The following TENM3 variants were observed in gnomAD, a reference collection of about 807,000 sequenced individuals.
TENM3 encodes the protein teneurin transmembrane protein 3, also known as teneurin-3.
A neutral mutation model predicts 255.1 loss-of-function variants in TENM3; 63 were observed. The observed-to-expected ratio is 0.25, with a 90% CI of 0.20 to 0.30. The LOEUF (loss-of-function observed/expected upper bound fraction) is 0.30, where lower values mean the gene tolerates loss of function less well. Among genes scored for constraint, TENM3 ranks in the 10% least tolerant of loss-of-function variants. The pLI is 1.00. For synonymous variants in TENM3, 1,306 were observed against 1,322.3 expected (o/e 0.99, Z 0.27); for missense variants, 2,929 against 3,461.1 (o/e 0.85, Z 3.86).
At chr4:182,734,879 C>T (rs1209315876) in intron 16 of TENM3, among the ~76,000 whole-genome samples, 1 of 152,124 alleles carries the variant, frequency 6.6e-6, no homozygotes, top group Non-Finnish European at 1.5e-5. Flanking sequence ...ACAGGAAATA[C>T]ATATAATATT....
At chr4:181,899,628 C>T in the TENM3 span, among the ~76,000 whole-genome samples, 2 of 151,804 alleles carry the variant, frequency 1.3e-5, no homozygotes, top group African/African-American at 2.4e-5. Flanking sequence ...AGTGCAGTGG[C>T]GCGATCTCAG....
the TENM3 span, among the ~76,000 whole-genome samples, chr4:181,933,702 T>C: frequency 2.0e-5 from 3 of 152,180 alleles, no homozygotes; most frequent in Non-Finnish European, 4.4e-5. Flanking sequence ...TGGTGCTCAT[T>C]GTAACCAGAT....
At chr4:181,692,139 G>A in the TENM3 span, among the ~76,000 whole-genome samples, 1 of 152,156 alleles carries the variant, frequency 6.6e-6, no homozygotes, top group Non-Finnish European at 1.5e-5. Context: ...ACTATGGTTT[G>A]CAAGTTCCCT....
At chr4:181,805,597 T>TTGTGTGTGTGTGTG in the TENM3 span, among the ~76,000 whole-genome samples, 1 of 150,440 alleles carries the variant, frequency 6.6e-6, no homozygotes, top group African/African-American at 2.4e-5. Context: ...GTGTGCACTT[T>TTGTGTGTGTGTGTG]TGTGTGTGTG....
At chr4:182,549,335 C>T (rs1268266116) in intron 3 of TENM3, among the ~76,000 whole-genome samples, 1 of 152,134 alleles carries the variant, frequency 6.6e-6, no homozygotes, top group African/African-American at 2.4e-5. Flanking sequence ...ATTTTCTTTT[C>T]GTTCCTTTCC....
At chr4:182,620,241 C>T (rs961885314) in intron 4 of TENM3, among the ~76,000 whole-genome samples, 5 of 152,110 alleles carry the variant, frequency 3.3e-5, no homozygotes, top group African/African-American at 4.8e-5. Context: ...TCCATATAGC[C>T]GAATTTCAGT....
chr4:181,452,013 T>C, the TENM3 span, among the ~76,000 whole-genome samples: 1 of 152,068 alleles, frequency 6.6e-6, no homozygotes, highest in African/African-American at 2.4e-5. Context: ...GAGGAAAACC[T>C]GGAGAGTCGG....
chr4:182,388,246 T>C (rs2150964450), intron 3 of TENM3, among the ~76,000 whole-genome samples: 1 of 152,286 alleles, frequency 6.6e-6, no homozygotes, highest in East Asian at 1.9e-4. Context: ...CCTGGTCTCC[T>C]TGACGTAGCA....
the TENM3 span, among the ~76,000 whole-genome samples, chr4:181,615,838 C>T: frequency 1.3e-5 from 2 of 152,140 alleles, no homozygotes. Context: ...AGATATTTTA[C>T]CATCTATTAG....
the TENM3 span, among the ~76,000 whole-genome samples, chr4:181,559,174 C>T: frequency 6.6e-6 from 1 of 151,936 alleles, no homozygotes; most frequent in African/African-American, 2.4e-5. Flanking sequence ...AATAATTATC[C>T]ACTAATGACG....
At position 182,172,131 on chromosome 4, in the gene TENM3, G is replaced by C. The variant is rs777906162; in HGVS notation, c.-76+27377G>C. On this transcript the variant is annotated intron_variant, in intron 1 of 2. Transcript: ENST00000512480. Reference sequence around the variant, plus strand: ...ATATTTAGCTCTCTGTGAAATGTCTGTCGTGTTGTACATGGGTTTTCCATA... The same window carrying C: ...ATATTTAGCTCTCTGTGAAATGTCTCTCGTGTTGTACATGGGTTTTCCATA... 3.8e-4 allele frequency among the ~76,000 whole-genome samples: 57 copies of C among 151,990 alleles called. 1 individual carries two copies. Among genetic ancestry groups the C allele is most frequent in the Non-Finnish European group, 1.5e-4 (10 of 67,980 alleles).
intron 2 of TENM3, among the ~76,000 whole-genome samples, chr4:182,344,439 T>C (rs773653406): frequency 2.0e-5 from 3 of 152,096 alleles, no homozygotes; most frequent in Non-Finnish European, 4.4e-5. Context: ...GATACGTATA[T>C]CAATTCATAG....
chr4:182,098,237 A>T, the TENM3 span, among the ~76,000 whole-genome samples: 2 of 152,212 alleles, frequency 1.3e-5, no homozygotes, highest in African/African-American at 4.8e-5. Context: ...TATTGGTGGG[A>T]ATGTAAATTA....
chr4:181,966,538 T>C, the TENM3 span, among the ~76,000 whole-genome samples: 1 of 152,168 alleles, frequency 6.6e-6, no homozygotes, highest in Non-Finnish European at 1.5e-5. Context: ...GTCTTCTGTC[T>C]TCCCCAAATA....
the TENM3 span, among the ~76,000 whole-genome samples, chr4:181,972,313 G>A: frequency 8.6e-5 from 13 of 151,564 alleles, 1 homozygote; most frequent in East Asian, 7.8e-4. Flanking sequence ...CAGCTACTTG[G>A]GATGCTCAGG....
At chr4:182,272,419 TAAA>T (rs1340846240) in intron 1 of TENM3, among the ~76,000 whole-genome samples, 1 of 152,038 alleles carries the variant, frequency 6.6e-6, no homozygotes, top group Non-Finnish European at 1.5e-5. Context: ...ATTCACCAGA[TAAA>T]GAAACAAATG....
At chr4:182,325,751 A>G (rs1763356840) in intron 2 of TENM3, among the ~76,000 whole-genome samples, 1 of 152,120 alleles carries the variant, frequency 6.6e-6, no homozygotes, top group African/African-American at 2.4e-5. Flanking sequence ...CGAAAAAAAA[A>G]TAAAAAAATT....
At chr4:181,728,105 A>C in the TENM3 span, among the ~76,000 whole-genome samples, 1 of 152,154 alleles carries the variant, frequency 6.6e-6, no homozygotes. Context: ...GCCTTTTAAA[A>C]CTTTTATCAA....
the TENM3 span, among the ~76,000 whole-genome samples, chr4:181,641,802 CA>C: frequency 1.4e-5 from 1 of 73,440 alleles, no homozygotes; most frequent in Non-Finnish European, 2.4e-5. Flanking sequence ...TATACACACA[CA>C]CCATATATAT....
Sources: gnomAD v4.1 joint callset for allele counts (sites outside exome capture counted in the v4.1 genomes callset) on GRCh38, gnomAD v4.1.1 for gene constraint, MANE v1.5 for transcripts, NCBI Gene and HGNC (gene_info 2026-07-23, HGNC 2026-07-21) for gene names.